The following CAMTA2 variants were observed in gnomAD, a reference collection of about 807,000 sequenced individuals.
The protein encoded by CAMTA2 is calmodulin-binding transcription activator 2.
A neutral mutation model predicts 135.7 loss-of-function variants in CAMTA2; 56 were observed. The observed-to-expected ratio is 0.41, with a 90% confidence interval of 0.33 to 0.52. The LOEUF (loss-of-function observed/expected upper bound fraction) is 0.52. CAMTA2 is among the 20% of genes least tolerant of loss of function. CAMTA2 has a pLI of 0.16. For synonymous variants in CAMTA2, 591 were observed against 604.6 expected, an observed-to-expected ratio of 0.98 and a Z score of 0.33; for missense variants, 1,358 against 1,553.4, an observed-to-expected ratio of 0.87 and a Z score of 2.11.
At position 4,968,819 on chromosome 17, in the gene CAMTA2, C is replaced by G; in HGVS notation, c.3546G>C (p.Arg1182Ser). The change falls in exon 23 of 23, where the codon AGG becomes AGC. Residue 1182 changes from arginine (R) to serine (S), a missense_variant and splice_region_variant. Physicochemically the swap from Arg to Ser is moderately radical, Grantham distance 110. Transcript: ENST00000348066. ...CCTGGTTCTGCTTCAGTTCCCTCAT[C>G]CTGCAGAGAGAAAGATAGGAGTCAG... The part of the protein sequence containing the change: ...IMRFLRRCRH[R>S]MRELKQNQEL... 6.2e-7 allele frequency: 1 copy of G among 1,614,046 alleles called. No homozygotes were observed. The highest frequency in any genetic ancestry group is 8.5e-7 in the Non-Finnish European group (1 of 1,179,908).
At position 4,968,089 on chromosome 17, in the gene CAMTA2, T is replaced by C. The variant is rs1972023943; in HGVS notation, c.*667A>G. 1 of 494,094 alleles carries C rather than the reference T, an allele frequency of 2.0e-6. No homozygotes were observed. The highest frequency in any genetic ancestry group is 3.8e-5 in the Admixed American group (1 of 26,624). The allele number at this position is 494,094 out of a possible 1,614,324, so 30.6% of individuals were successfully genotyped here. ...AGCCGGCAGGAGGCCCCCGCCGCGC[T>C]AGAGAACCACAAGCCCGGCCGTGCA... On this transcript the variant is annotated 3_prime_UTR_variant, in exon 23 of 23. Coordinates refer to ENST00000348066, the MANE Select transcript of CAMTA2 (RefSeq NM_015099.4).
intron 7 of CAMTA2, 48 bp from the exon 8 acceptor site, chr17:4,981,407 C>T (rs752482918): frequency 6.2e-7 from 1 of 1,602,014 alleles, no homozygotes; most frequent in South Asian, 1.1e-5. Context: ...GAAACAGGCC[C>T]CAGAGTACCT....
chr17:4,969,941 C>T lies in CAMTA2; in HGVS notation c.3150G>A (p.Glu1050=), dbSNP rs1972162298. The change falls in exon 18 of 23, where the codon GAG becomes GAA. Residue 1050 remains glutamate (E), a synonymous_variant. Coordinates refer to ENST00000348066, the MANE Select transcript of CAMTA2 (RefSeq NM_015099.4). This position sits in a 1 kb window ranked among gnomAD's most constrained non-coding sequence, Gnocchi z 5.6. ...LSDHEQRELY[E]AARVIQTAFR... is the part of the protein sequence containing the mutation. Reference sequence around the variant, plus strand: ...AGGCCGTCTGGATGACTCGGGCAGCCTCATACAGTTCCCGCTGCTCGTGAT... The same window carrying T: ...AGGCCGTCTGGATGACTCGGGCAGCTTCATACAGTTCCCGCTGCTCGTGAT... 1.9e-6 allele frequency: 3 copies of T among 1,614,126 alleles called. No homozygotes were observed. Among genetic ancestry groups the T allele is most frequent in the African/African-American group, 1.3e-5 (1 of 74,942 alleles).
chr17:4,973,123 C>T, intron 14 of CAMTA2, 52 bp downstream of exon 14: 2 of 1,539,280 alleles, frequency 1.3e-6, no homozygotes, highest in South Asian at 2.2e-5. Flanking sequence ...TTTTCAAGGG[C>T]TGTTCCCATT....
intron 11 of CAMTA2, among the ~76,000 whole-genome samples, chr17:4,975,272 G>A (rs1053750299): frequency 1.2e-4 from 19 of 152,052 alleles, no homozygotes; most frequent in Non-Finnish European, 1.8e-4. Flanking sequence ...ACAGGTGATA[G>A]GAGGACAGAG....
Position 4,969,205 on chromosome 17 carries a change from G to A in CAMTA2, c.3415C>T (p.Arg1139Cys). The A allele has an allele frequency of 1.2e-6, 2 of 1,612,408 alleles. No homozygotes were observed. The highest frequency in any genetic ancestry group is 1.7e-6 in the Non-Finnish European group (2 of 1,179,892). ...VLIQQHYRSY[R>C]RRPGPPHRTS... is the part of the protein sequence containing the mutation. ...CGGTGGGGAGGGCCGGGCCTGCGGC[G>A]GTAGGAGCGGTAGTGCTGCTGGATG... is the stretch of plus-strand genomic sequence containing the variant. The change falls in exon 21 of 23, where the codon CGC becomes TGC. Residue 1139 changes from arginine (R) to cysteine (C), a missense_variant. Around this residue, in one of 4 missense-constraint regions of CAMTA2, gnomAD observed 167 missense variants for 207.0 expected, o/e 0.81. Transcript: ENST00000348066. The surrounding 1 kb of genome is among the most constrained non-coding windows in gnomAD (Gnocchi z 5.6).
rs887783048 is a variant in CAMTA2, at chr17:4,968,191, G to C, written c.*565C>G. ...AGTATGTACAAGACCCCTCCCCTCG[G>C]GGGACGGGGCGGACTCCGCAACGCG... On this transcript the variant is annotated 3_prime_UTR_variant, in exon 23 of 23. Transcript: ENST00000348066. 5 of 261,240 alleles carry C rather than the reference G, an allele frequency of 1.9e-5. No homozygotes were observed. The highest frequency in any genetic ancestry group is 4.5e-5 in the African/African-American group (2 of 44,806). 16.2% of individuals were successfully genotyped at this position (261,240 alleles called of 1,614,324 possible).
At chr17:4,983,285 C>CTT in intron 3 of CAMTA2, 5 of 418,108 alleles carry the variant, frequency 1.2e-5, no homozygotes, top group South Asian at 2.7e-5. Flanking sequence ...TCCTGTGCCC[C>CTT]TTTTTTTTTC....
Position 4,980,665 on chromosome 17 carries a change from A to T in CAMTA2, c.701-44T>A. The stretch of plus-strand genomic sequence containing the variant: ...GGAGGGAGAGGAGATAAGACACATC[A>T]TTCCGCACCTTCTCTACCTTGAGGC... On this transcript the variant is annotated intron_variant, in intron 8 of 22. Coordinates refer to ENST00000348066, the MANE Select transcript of CAMTA2 (RefSeq NM_015099.4). This position sits in a 1 kb window ranked among gnomAD's most constrained non-coding sequence, Gnocchi z 5.3. The T allele has an allele frequency of 1.4e-6, 2 of 1,437,246 alleles. No homozygotes were observed. The highest frequency in any genetic ancestry group is 2.0e-6 in the Non-Finnish European group (2 of 1,022,364). 89.0% of individuals were successfully genotyped at this position (1,437,246 alleles called of 1,614,324 possible).
At position 4,982,164 on chromosome 17, in the gene CAMTA2, C is replaced by T; in HGVS notation, c.340-4G>A. The stretch of plus-strand genomic sequence containing the variant: ...GAACGTAGCAGCCATAGAGACACTG[C>T]CAGGAGACAGGCTGGGGTGGGGGGA... On this transcript the variant is annotated splice_polypyrimidine_tract_variant and splice_region_variant and intron_variant, in intron 5 of 22. Transcript: ENST00000348066. 1 of 1,600,008 alleles carries T rather than the reference C, an allele frequency of 6.2e-7. No individual in the cohort carries two copies. The highest frequency in any genetic ancestry group is 1.1e-5 in the South Asian group (1 of 90,702).
At position 4,968,599 on chromosome 17, in the gene CAMTA2, G is replaced by A. The variant is rs576753728; in HGVS notation, c.*157C>T. ...CAGGAGGGACGAGGAGAGGGGTGTG[G>A]GAGCAAGGCGTGGGGAGGAGGGAGG... On this transcript the variant is annotated 3_prime_UTR_variant, in exon 23 of 23. Transcript: ENST00000348066. 5.4e-6 allele frequency: 4 copies of A among 746,586 alleles called. No homozygotes were observed. The highest frequency in any genetic ancestry group is 3.5e-5 in the African/African-American group (2 of 57,496). 46.2% of individuals were successfully genotyped at this position (746,586 alleles called of 1,614,324 possible). A position where few individuals can be genotyped will look rare whatever the true frequency, so the allele number is the denominator to read the frequency against.
At chr17:4,984,621 ATCAACAACCAAC>A (rs1973153167) in intron 3 of CAMTA2, among the ~76,000 whole-genome samples, 1 of 152,244 alleles carries the variant, frequency 6.6e-6, no homozygotes, top group African/African-American at 2.4e-5. Context: ...ATTGATAAAT[ATCAACAACCAAC>A]TACATACAAG....
intron 11 of CAMTA2, among the ~76,000 whole-genome samples, chr17:4,975,633 C>T (rs1972567467): frequency 6.6e-6 from 1 of 152,024 alleles, no homozygotes; most frequent in African/African-American, 2.4e-5. Context: ...CACACTCGGG[C>T]TTTGTGTGGG....
chr17:4,984,454 G>T (rs1973145499), intron 3 of CAMTA2, among the ~76,000 whole-genome samples: 1 of 152,166 alleles, frequency 6.6e-6, no homozygotes, highest in Non-Finnish European at 1.5e-5. Context: ...TCCATATCTG[G>T]AAATCATAGC....
At position 4,968,837 on chromosome 17, in the gene CAMTA2, G is replaced by GGA. The variant is rs766187363; in HGVS notation, c.3546-20_3546-19dup. 15 of 1,612,762 alleles carry GGA rather than the reference G, an allele frequency of 9.3e-6. No homozygotes were observed. The highest frequency in any genetic ancestry group is 1.3e-5 in the Non-Finnish European group (15 of 1,178,850). The stretch of plus-strand genomic sequence containing the variant: ...CCCTCATCCTGCAGAGAGAAAGATA[G>GGA]GAGTCAGAGGAGACTGGCGGATCAC... On this transcript the variant is annotated intron_variant, in intron 22 of 22. Coordinates refer to ENST00000348066, the MANE Select transcript of CAMTA2 (RefSeq NM_015099.4).
chr17:4,969,608 T>C lies in CAMTA2; in HGVS notation c.3261+22A>G. ...TGGGTTGGTGGGTTGCTGGTTACAC[T>C]TTTGAGGGAGAAGGGTCTCACCTGC... On this transcript the variant is annotated intron_variant, in intron 19 of 22. Coordinates refer to ENST00000348066, the MANE Select transcript of CAMTA2 (RefSeq NM_015099.4). This position sits in a 1 kb window ranked among gnomAD's most constrained non-coding sequence, Gnocchi z 5.6. 2 of 1,614,060 alleles carry C rather than the reference T, an allele frequency of 1.2e-6. No individual in the cohort carries two copies. The highest frequency in any genetic ancestry group is 1.7e-5 in the Admixed American group (1 of 60,004).
rs773833929 is a variant in CAMTA2 at position 4,969,194 on chromosome 17, G to A, written c.3426C>T (p.Pro1142=). The A allele has an allele frequency of 4.3e-6, 7 of 1,611,572 alleles. No individual in the cohort carries two copies. Among genetic ancestry groups the A allele is most frequent in the Middle Eastern group, 1.7e-4 (1 of 6,038 alleles). Residue 1142 remains proline (P), a synonymous_variant, in exon 21 of 23, where the codon CCC becomes CCT. Transcript: ENST00000348066. This position sits in a 1 kb window ranked among gnomAD's most constrained non-coding sequence, Gnocchi z 5.6. ...TGGCCGAAGTCCGGTGGGGAGGGCCGGGCCTGCGGCGGTAGGAGCGGTAGT... is the reference window on the plus strand; with the variant it reads ...TGGCCGAAGTCCGGTGGGGAGGGCCAGGCCTGCGGCGGTAGGAGCGGTAGT... ...QQHYRSYRRR[P]GPPHRTSATL...
In CAMTA2 at chr17:4,981,441, C is replaced by A. The variant is rs568483894; in HGVS notation, c.566-82G>T. The stretch of plus-strand genomic sequence containing the variant: ...CTTGATGGCTCCTCCAAGCACCTGA[C>A]ATGCTTCAAGACTTCTGGCCAGGTG... On this transcript the variant is annotated intron_variant, in intron 7 of 22. Transcript: ENST00000348066. 158 of 1,561,222 alleles carry A rather than the reference C, an allele frequency of 1.0e-4. No homozygotes were observed. The African/African-American group carries it at 2.0e-3, about 19-fold the overall frequency.
chr17:4,982,235 G>T, intron 5 of CAMTA2, 75 bp from the exon 6 acceptor site: 1 of 1,057,898 alleles, frequency 9.5e-7, no homozygotes. Context: ...TCCCTTTGCA[G>T]GAATCCCAAT....
Sources: gnomAD v4.1 joint callset for allele counts (sites outside exome capture counted in the v4.1 genomes callset) on GRCh38, gnomAD v4.1.1 for gene constraint, gnomAD v4.1.1 regional missense constraint, Gnocchi (gnomAD v3.1) non-coding constraint, MANE v1.5 for transcripts, NCBI Gene and HGNC (gene_info 2026-07-23, HGNC 2026-07-21) for gene names.